LCORL: variants seen among roughly 807,000 people sequenced by gnomAD.
LCORL encodes ligand-dependent nuclear receptor corepressor-like protein.
A neutral mutation model predicts 141.8 loss-of-function variants in LCORL; 41 were observed. The ratio of observed to expected loss-of-function variants is 0.29; its 90% CI spans 0.23 to 0.38. The LOEUF is 0.38. Among genes scored for constraint, LCORL ranks in the 10% least tolerant of loss-of-function variants. The probability of loss-of-function intolerance (pLI) is 1.00; values close to 1 mark genes in which losing one functional copy is unlikely to be tolerated. For synonymous variants in LCORL, 618 were observed against 694.1 expected, an observed-to-expected ratio of 0.89 and a Z score of 1.72; for missense variants, 1,759 against 2,035.0, an observed-to-expected ratio of 0.86 and a Z score of 2.61.
At chr4:17,873,755 T>C in exon 7 of LCORL, 1 of 1,234,074 alleles carries the variant, frequency 8.1e-7, no homozygotes, top group Non-Finnish European at 1.0e-6. Flanking sequence ...TGATTGTATT[T>C]AGCTTAAAAG....
At chr4:17,912,342 C>T in intron 4 of LCORL, 2 of 672,400 alleles carry the variant, frequency 3.0e-6, no homozygotes, top group Admixed American at 3.6e-5. Context: ...TCATGAAGAA[C>T]CATGAAGAGG....
intron 5 of LCORL, among the ~76,000 whole-genome samples, chr4:17,899,438 T>C (rs576275838): frequency 1.3e-5 from 2 of 152,180 alleles, no homozygotes; most frequent in East Asian, 3.9e-4. Flanking sequence ...ACAGTGGGCT[T>C]GGCAAGTGTC....
At chr4:18,019,303 C>A (rs1310568086) in intron 1 of LCORL, among the ~76,000 whole-genome samples, 2 of 152,188 alleles carry the variant, frequency 1.3e-5, no homozygotes, top group Non-Finnish European at 2.9e-5. Context: ...AGCACCGCTA[C>A]ACTCCAGCCT....
At chr4:17,890,653 A>T (rs1231960509) in intron 5 of LCORL, among the ~76,000 whole-genome samples, 2 of 152,068 alleles carry the variant, frequency 1.3e-5, no homozygotes, top group Non-Finnish European at 2.9e-5. Context: ...ATTATTTCTG[A>T]CCAAACGCTA....
intron 6 of LCORL, among the ~76,000 whole-genome samples, chr4:17,878,708 G>T (rs1232018144): frequency 2.0e-5 from 3 of 151,268 alleles, no homozygotes; most frequent in Non-Finnish European, 3.0e-5. Flanking sequence ...AAAATTAAGG[G>T]ATTTAGATTT....
intron 2 of LCORL, among the ~76,000 whole-genome samples, chr4:17,967,069 C>T (rs1245309781): frequency 6.6e-6 from 1 of 152,072 alleles, no homozygotes; most frequent in Non-Finnish European, 1.5e-5. Flanking sequence ...TACATCTATA[C>T]AACGCAATAT....
chr4:17,861,459 A>G (rs949947982), intron 7 of LCORL, among the ~76,000 whole-genome samples: 3 of 151,616 alleles, frequency 2.0e-5, no homozygotes, highest in Non-Finnish European at 4.4e-5. Context: ...CAGCACGGGG[A>G]CCCTGGGCCT....
chr4:17,886,786 T>C (rs1043062125), intron 5 of LCORL, among the ~76,000 whole-genome samples: 1 of 152,066 alleles, frequency 6.6e-6, no homozygotes, highest in South Asian at 2.1e-4. Flanking sequence ...TTTAGAAAAA[T>C]AATGTTATAA....
chr4:17,877,228 A>G (rs1312967683), exon 7 of LCORL: 1 of 1,230,294 alleles, frequency 8.1e-7, no homozygotes, highest in African/African-American at 1.6e-5. Flanking sequence ...TGTTGACTCA[A>G]TAATTCCATA....
At chr4:17,888,595 C>T (rs187674070) in intron 5 of LCORL, among the ~76,000 whole-genome samples, 4 of 152,082 alleles carry the variant, frequency 2.6e-5, no homozygotes, top group Non-Finnish European at 5.9e-5. Context: ...TGTCTTCCTG[C>T]GTGGACAGCA....
exon 8 of LCORL, chr4:17,843,498 G>A (rs2109078001): frequency 6.5e-7 from 1 of 1,527,356 alleles, no homozygotes. Flanking sequence ...AGTTACCCTT[G>A]TCAAAATCAG....
chr4:17,992,189 G>A (rs932350001), intron 1 of LCORL, among the ~76,000 whole-genome samples: 21 of 152,156 alleles, frequency 1.4e-4, no homozygotes, highest in African/African-American at 4.3e-4. Context: ...AATAACTTAC[G>A]ATCATGGTGG....
chr4:17,925,685 C>T (rs1227346488), intron 4 of LCORL, among the ~76,000 whole-genome samples: 1 of 151,984 alleles, frequency 6.6e-6, no homozygotes, highest in East Asian at 1.9e-4. Flanking sequence ...TCCTGGCTAA[C>T]ATGGTGAAAC....
At chr4:17,998,870 T>G (rs139482362) in intron 1 of LCORL, among the ~76,000 whole-genome samples, 2 of 144,444 alleles carry the variant, frequency 1.4e-5, no homozygotes, top group Admixed American at 1.4e-4. Flanking sequence ...GAGGCTGAAG[T>G]GGGAGATCAC....
intron 4 of LCORL, among the ~76,000 whole-genome samples, chr4:17,930,540 T>C (rs1158989240): frequency 1.3e-5 from 2 of 152,192 alleles, no homozygotes. Flanking sequence ...ATACATCAAT[T>C]CCTGTTCTAC....
chr4:17,998,692 A>C (rs1319220770), intron 1 of LCORL, among the ~76,000 whole-genome samples: 1 of 151,936 alleles, frequency 6.6e-6, no homozygotes, highest in East Asian at 1.9e-4. Context: ...ACATGTTCGG[A>C]CATGGTGTTC....
chr4:17,873,159 T>C (rs776670703), intron 7 of LCORL, among the ~76,000 whole-genome samples: 87 of 152,134 alleles, frequency 5.7e-4, no homozygotes, highest in Non-Finnish European at 1.0e-3. Context: ...GTCTCTACTA[T>C]ATATATTTTT....
At chr4:17,851,954 G>A (rs1404896364) in intron 7 of LCORL, among the ~76,000 whole-genome samples, 1 of 152,128 alleles carries the variant, frequency 6.6e-6, no homozygotes, top group East Asian at 1.9e-4. Flanking sequence ...AGCCATTTGT[G>A]TTCCCTTTTT....
chr4:18,008,867 T>C (rs1415556579), intron 1 of LCORL, among the ~76,000 whole-genome samples: 1 of 152,180 alleles, frequency 6.6e-6, no homozygotes, highest in East Asian at 1.9e-4. Context: ...TAAATACTTT[T>C]ATGTTTTAAC....
Sources: allele counts gnomAD v4.1 joint callset (sites outside exome capture counted in the v4.1 genomes callset), GRCh38; gene constraint gnomAD v4.1.1; transcripts MANE v1.5; gene names NCBI Gene and HGNC (gene_info 2026-07-23, HGNC 2026-07-21).